Variants in POU2F1 observed in about 807,000 individuals in gnomAD.
The protein encoded by POU2F1 is POU class 2 homeobox 1, also known as POU domain, class 2, transcription factor 1.
A neutral mutation model predicts 84.9 loss-of-function variants in POU2F1; 16 were observed. That is an observed-to-expected ratio of 0.19 (90% CI 0.13 to 0.29). The LOEUF is 0.29. Ranked by LOEUF, POU2F1 falls within the 10% of genes least tolerant of loss-of-function variation. POU2F1 has a pLI of 1.00. For missense variants in POU2F1, 738 were observed against 942.6 expected (o/e 0.78, Z 2.84); for synonymous variants, 368 against 368.3 (o/e 1.00, Z 0.01).
Position 167,363,714 on chromosome 1 carries a change from G to A in POU2F1, c.128-1753G>A, listed in dbSNP as rs150857638. On this transcript the variant is annotated intron_variant, in intron 2 of 15. Transcript: ENST00000367866. ...AGTAGTTCTGTAGTTTTCTATTTGTGGAAGACTTTAGGAAAAAATAGAAGC... is the reference window on the plus strand; with the variant it reads ...AGTAGTTCTGTAGTTTTCTATTTGTAGAAGACTTTAGGAAAAAATAGAAGC... 3.5e-3 allele frequency among the ~76,000 whole-genome samples: 527 copies of A among 152,270 alleles called. 4 individuals are homozygous for A. The highest frequency in any genetic ancestry group is 0.011 in the African/African-American group (476 of 41,546).
intron 2 of POU2F1, among the ~76,000 whole-genome samples, chr1:167,349,218 ATGT>A (rs1658399223): frequency 1.3e-5 from 2 of 152,062 alleles, no homozygotes; most frequent in Non-Finnish European, 2.9e-5. Flanking sequence ...TTCATCTGAA[ATGT>A]TGTCTCCAGG....
intron 1 of POU2F1, among the ~76,000 whole-genome samples, chr1:167,246,081 A>G (rs1650298620): frequency 6.6e-6 from 1 of 152,250 alleles, no homozygotes; most frequent in Admixed American, 6.5e-5. Context: ...TCTAAGATTC[A>G]TGTACAAAAA....
intron 1 of POU2F1, among the ~76,000 whole-genome samples, chr1:167,230,764 G>A (rs1436434752): frequency 6.6e-6 from 1 of 152,130 alleles, no homozygotes; most frequent in Non-Finnish European, 1.5e-5. Context: ...AGTAAATCTT[G>A]TCCTAAGAGC....
intron 1 of POU2F1, among the ~76,000 whole-genome samples, chr1:167,287,664 T>C (rs1388314432): frequency 6.6e-6 from 1 of 152,136 alleles, no homozygotes; most frequent in Non-Finnish European, 1.5e-5. Flanking sequence ...TTATGGAAAA[T>C]AGAATGAGGT....
At chr1:167,399,508 T>A (rs1479214452) in intron 12 of POU2F1, 143 bp downstream of exon 12, 1 of 762,752 alleles carries the variant, frequency 1.3e-6, no homozygotes, top group Non-Finnish European at 2.1e-6. Flanking sequence ...ATTTTAGACA[T>A]TACCAAGGTA....
At chr1:167,282,396 G>A (rs557381485) in intron 1 of POU2F1, among the ~76,000 whole-genome samples, 23 of 151,924 alleles carry the variant, frequency 1.5e-4, no homozygotes, top group Non-Finnish European at 3.2e-4. Context: ...CGCCCGCCTC[G>A]GCCTCCCGAA....
intron 1 of POU2F1, among the ~76,000 whole-genome samples, chr1:167,314,822 A>G (rs975829961): frequency 9.2e-5 from 14 of 152,110 alleles, no homozygotes; most frequent in Non-Finnish European, 2.1e-4. Flanking sequence ...TAGAGTTTGG[A>G]TATTTGTCCC....
intron 2 of POU2F1, among the ~76,000 whole-genome samples, chr1:167,350,827 C>T (rs1233627967): frequency 6.6e-6 from 1 of 151,846 alleles, no homozygotes; most frequent in Non-Finnish European, 1.5e-5. Flanking sequence ...GGAGAAACCC[C>T]ATCTCTACTA....
intron 1 of POU2F1, among the ~76,000 whole-genome samples, chr1:167,259,744 C>T (rs1159499591): frequency 6.6e-6 from 1 of 152,130 alleles, no homozygotes; most frequent in Non-Finnish European, 1.5e-5. Context: ...GTTCTTATTG[C>T]ACCACATCTT....
Position 167,415,941 on chromosome 1 carries a change from GA to G in POU2F1, c.*146del, listed in dbSNP as rs35216157. On this transcript the variant is annotated 3_prime_UTR_variant, in exon 16 of 16. Transcript: ENST00000367866. Reference sequence around the variant, plus strand: ...TTGTGAGGGCAAAGGAGAGAAGGGAGAAAAAAAAAAAAAAACCACACACACC... The same window carrying G: ...TTGTGAGGGCAAAGGAGAGAAGGGAGAAAAAAAAAAAAAACCACACACACC... 9,142 of 431,950 alleles carry G rather than the reference GA, an allele frequency of 0.021. 7 individuals carry two copies. The highest frequency in any genetic ancestry group is 0.034 in the African/African-American group (1,291 of 37,478). The allele number at this position is 431,950 out of a possible 1,614,324, so 26.8% of individuals were successfully genotyped here. A position where few individuals can be genotyped will look rare whatever the true frequency, so the allele number is the denominator to read the frequency against.
chr1:167,329,800 G>A (rs1020118713), intron 1 of POU2F1, among the ~76,000 whole-genome samples: 4 of 152,260 alleles, frequency 2.6e-5, no homozygotes, highest in African/African-American at 9.6e-5. Flanking sequence ...AATTGTACTG[G>A]TTGCTGCAAC....
At chr1:167,221,986 T>G (rs1648244744) in intron 1 of POU2F1, among the ~76,000 whole-genome samples, 1 of 152,064 alleles carries the variant, frequency 6.6e-6, no homozygotes, top group African/African-American at 2.4e-5. Context: ...TGGCGTGGTC[T>G]GACCTCCGTC....
At chr1:167,413,234 T>C (rs1251083785) in intron 15 of POU2F1, 120 bp downstream of exon 15, 1 of 892,874 alleles carries the variant, frequency 1.1e-6, no homozygotes, top group African/African-American at 1.7e-5. Flanking sequence ...GAGGTAAAAG[T>C]GATGGGAAAG....
intron 1 of POU2F1, among the ~76,000 whole-genome samples, chr1:167,320,096 C>T (rs541717967): frequency 2.1e-4 from 31 of 150,444 alleles, no homozygotes; most frequent in Admixed American, 3.3e-4. Flanking sequence ...GCATTCTACT[C>T]CTAACTGCTG....
In POU2F1 at chr1:167,419,160, C is replaced by T. The variant is rs1022375581; in HGVS notation, c.*3350C>T. On this transcript the variant is annotated 3_prime_UTR_variant, in exon 16 of 16. Transcript: ENST00000367866. Reference sequence around the variant, plus strand: ...ATGCATTTTGAATTGAATGAACTATCTTCTAAGCTAAGATACTCAAATTTA... The same window carrying T: ...ATGCATTTTGAATTGAATGAACTATTTTCTAAGCTAAGATACTCAAATTTA... The T allele has an allele frequency of 6.6e-6, 1 of 152,106 alleles. No homozygotes were observed. The highest frequency in any genetic ancestry group is 1.5e-5 in the Non-Finnish European group (1 of 68,016). 9.4% of individuals were successfully genotyped at this position (152,106 alleles called of 1,614,324 possible). A position where few individuals can be genotyped will look rare whatever the true frequency, so the allele number is the denominator to read the frequency against.
chr1:167,221,702 TGTG>T (rs2102312434), intron 1 of POU2F1, among the ~76,000 whole-genome samples: 1 of 150,122 alleles, frequency 6.7e-6, no homozygotes, highest in Non-Finnish European at 1.5e-5. Flanking sequence ...TGGTCCCCAA[TGTG>T]GTGGCCTGAC....
At chr1:167,344,123 A>G (rs1403754159) in intron 2 of POU2F1, among the ~76,000 whole-genome samples, 2 of 152,196 alleles carry the variant, frequency 1.3e-5, no homozygotes, top group Non-Finnish European at 2.9e-5. Flanking sequence ...CAATCATACT[A>G]ACCACATTTC....
chr1:167,241,824 A>G (rs1392587267), intron 1 of POU2F1, among the ~76,000 whole-genome samples: 1 of 152,216 alleles, frequency 6.6e-6, no homozygotes, highest in Admixed American at 6.5e-5. Flanking sequence ...GGTAATTTCA[A>G]AAAGTTAACA....
At chr1:167,227,326 A>G (rs1052469666) in intron 1 of POU2F1, among the ~76,000 whole-genome samples, 6 of 152,186 alleles carry the variant, frequency 3.9e-5, no homozygotes, top group Non-Finnish European at 5.9e-5. Flanking sequence ...AATTAAATCA[A>G]TAATAATAAT....
Sources: allele counts gnomAD v4.1 joint callset (sites outside exome capture counted in the v4.1 genomes callset), GRCh38; gene constraint gnomAD v4.1.1; transcripts MANE v1.5; gene names NCBI Gene and HGNC (gene_info 2026-07-23, HGNC 2026-07-21).